Variants in SMURF1 observed in about 807,000 individuals in gnomAD.
SMURF1 encodes SMAD specific E3 ubiquitin protein ligase 1, also known as E3 ubiquitin-protein ligase SMURF1.
In SMURF1, 44 loss-of-function variants were observed where a neutral mutation model predicts 98.0. The ratio of observed to expected loss-of-function variants is 0.45; its 90% CI spans 0.35 to 0.58. The LOEUF (loss-of-function observed/expected upper bound fraction) is 0.58. Among genes scored for constraint, SMURF1 ranks in the 20% least tolerant of loss-of-function variants. SMURF1 has a pLI of 0.00. For synonymous variants in SMURF1, 396 were observed against 374.9 expected, an observed-to-expected ratio of 1.06 and a Z score of -0.65; for missense variants, 687 against 938.4, an observed-to-expected ratio of 0.73 and a Z score of 3.50.
chr7:99,091,557 C>T lies in SMURF1; in HGVS notation c.56-29720G>A, dbSNP rs183882923. 7.0e-3 allele frequency among the ~76,000 whole-genome samples: 1,066 copies of T among 152,206 alleles called. 7 individuals are homozygous for T. The highest frequency in any genetic ancestry group is 0.014 in the South Asian group (66 of 4,822). On this transcript the variant is annotated intron_variant, in intron 1 of 17. Coordinates refer to ENST00000361368, the MANE Select transcript of SMURF1 (RefSeq NM_181349.3). ...TGTGGACAGCTAGAAAGATGGTGGACGGGAGTATCTGAAACCAAGGAGCCT... is the reference window on the plus strand; with the variant it reads ...TGTGGACAGCTAGAAAGATGGTGGATGGGAGTATCTGAAACCAAGGAGCCT...
rs71118659 is a variant in SMURF1, at chr7:99,113,837, T to TAAAAAA, written c.55+29883_55+29888dup. 1.5e-3 allele frequency among the ~76,000 whole-genome samples: 52 copies of TAAAAAA among 33,976 alleles called. 1 individual carries two copies. Among genetic ancestry groups the TAAAAAA allele is most frequent in the African/African-American group, 7.1e-3 (49 of 6,872 alleles). 22.3% of individuals were successfully genotyped at this position (33,976 alleles called of 152,430 possible). A position where few individuals can be genotyped will look rare whatever the true frequency, so the allele number is the denominator to read the frequency against. On this transcript the variant is annotated intron_variant, in intron 1 of 17. Transcript: ENST00000361368. ...CTGGGTGACAAAGTGAGACTCCGTC[T>TAAAAAA]AAAAAAAAAAAAAAAAAAAAAAAAA...
chr7:99,143,739 C>G lies in SMURF1; in HGVS notation c.42G>C (p.Lys14Asn). 1.3e-6 allele frequency: 2 copies of G among 1,562,806 alleles called. No homozygotes were observed. Among genetic ancestry groups the G allele is most frequent in the Non-Finnish European group, 1.7e-6 (2 of 1,156,652 alleles). ...PGTRRNGSSI[K>N]IRLTVLCAKN... The stretch of plus-strand genomic sequence containing the variant: ...CGCCGGCCGTACCTGTCAGACGGAT[C>G]TTGATGCTGGAGCCGTTCCTGCGTG... Residue 14 changes from lysine (K) to asparagine (N), a missense_variant, in exon 1 of 18, where the codon AAG (lysine) becomes AAC (asparagine). Lys to Asn is a moderately conservative substitution (Grantham distance 94, BLOSUM62 0). Transcript: ENST00000361368.
At chr7:99,034,347 G>GGACTAATGA (rs1795039781) in intron 16 of SMURF1, among the ~76,000 whole-genome samples, 1 of 152,216 alleles carries the variant, frequency 6.6e-6, no homozygotes, top group Non-Finnish European at 1.5e-5. Context: ...AATTATTGGA[G>GGACTAATGA]GACTAATGAG....
rs191093729 is a variant in SMURF1 at position 99,046,454 on chromosome 7, C to T, written c.1153-653G>A. Reference sequence around the variant, plus strand: ...TTCAAACTCCAGCAACCCAGCCGGGCGCGGTGGCTCCGCCTGTAATCCCAG... The same window carrying T: ...TTCAAACTCCAGCAACCCAGCCGGGTGCGGTGGCTCCGCCTGTAATCCCAG... On this transcript the variant is annotated intron_variant, in intron 10 of 17. Coordinates refer to ENST00000361368, the MANE Select transcript of SMURF1 (RefSeq NM_181349.3). Among the ~76,000 whole-genome samples the T allele has an allele frequency of 1.6e-3, 245 of 152,248 alleles. 1 individual carries two copies. The highest frequency in any genetic ancestry group is 5.7e-3 in the African/African-American group (235 of 41,558).
intron 1 of SMURF1, among the ~76,000 whole-genome samples, chr7:99,134,797 A>G (rs1797953263): frequency 6.6e-6 from 1 of 152,214 alleles, no homozygotes; most frequent in African/African-American, 2.4e-5. Flanking sequence ...AATTATGTAA[A>G]CCACTATTAT....
intron 1 of SMURF1, among the ~76,000 whole-genome samples, chr7:99,113,548 G>T (rs936462245): frequency 1.3e-5 from 2 of 152,048 alleles, no homozygotes; most frequent in African/African-American, 4.8e-5. Context: ...TGAAACAAAA[G>T]AACATTAGAC....
chr7:99,040,314 C>A (rs191108547), intron 13 of SMURF1, 64 bp downstream of exon 13: 172 of 1,392,514 alleles, frequency 1.2e-4, no homozygotes, highest in Non-Finnish European at 1.6e-4. Flanking sequence ...CGCGCACGCG[C>A]ATACATACGA....
intron 6 of SMURF1, among the ~76,000 whole-genome samples, chr7:99,053,592 C>G (rs1162738611): frequency 6.6e-6 from 1 of 152,194 alleles, no homozygotes; most frequent in Non-Finnish European, 1.5e-5. Context: ...GCTTTTCTTG[C>G]AGTCTATTTG....
Position 99,054,842 on chromosome 7 carries a change from T to A in SMURF1, c.427A>T (p.Ile143Leu). 6.2e-7 allele frequency: 1 copy of A among 1,614,180 alleles called. No homozygotes were observed. Among genetic ancestry groups the A allele is most frequent in the Non-Finnish European group, 8.5e-7 (1 of 1,180,026 alleles). ...TCCACCACCGAGCCGCCGGTTCCTA[T>A]TCTGTCTCGTGTCTGTAAACTGACT... ...IVVSLQTRDR[I>L]GTGGSVVDCR... Residue 143 changes from isoleucine (I) to leucine (L), a missense_variant, in exon 6 of 18, where the codon ATA (isoleucine) becomes TTA (leucine). By Grantham distance (5) the Ile-to-Leu change is conservative (BLOSUM62 2). This residue lies in a region of SMURF1 where 415 missense variants were observed against 508.4 expected (regional missense o/e 0.82). Coordinates refer to ENST00000361368, the MANE Select transcript of SMURF1 (RefSeq NM_181349.3).
intron 1 of SMURF1, among the ~76,000 whole-genome samples, chr7:99,074,707 A>G (rs1436773778): frequency 1.3e-5 from 2 of 151,738 alleles, no homozygotes; most frequent in South Asian, 2.1e-4. Context: ...CTACAACTCA[A>G]TTTAAAAAAA....
chr7:99,125,272 T>G (rs1370160447), intron 1 of SMURF1, among the ~76,000 whole-genome samples: 1 of 152,134 alleles, frequency 6.6e-6, no homozygotes, highest in Non-Finnish European at 1.5e-5. Context: ...TTTTAAAAGA[T>G]GGGAGGTTCT....
chr7:99,085,368 AAAAGAAAAG>A (rs1292591215), intron 1 of SMURF1, among the ~76,000 whole-genome samples: 7 of 150,152 alleles, frequency 4.7e-5, no homozygotes, highest in East Asian at 3.9e-4. Context: ...AAAAAAAAAA[AAAAGAAAAG>A]AAAAGAAAAG....
intron 6 of SMURF1, among the ~76,000 whole-genome samples, chr7:99,053,549 A>G (rs1795811084): frequency 6.6e-6 from 1 of 152,178 alleles, no homozygotes; most frequent in Non-Finnish European, 1.5e-5. Context: ...TTGAATATGA[A>G]TTGTTGACAG....
chr7:99,038,528 G>A lies in SMURF1; in HGVS notation c.1551-3C>T, dbSNP rs1795243819. On this transcript the variant is annotated splice_region_variant and splice_polypyrimidine_tract_variant and intron_variant, in intron 13 of 17. Coordinates refer to ENST00000361368, the MANE Select transcript of SMURF1 (RefSeq NM_181349.3). ...GTACAGGCGTGATGTCGTTCTCTCT[G>A]TTGAAATAAGACAGAAGGATGTAGG... 2 of 1,613,596 alleles carry A rather than the reference G, an allele frequency of 1.2e-6. No homozygotes were observed. The highest frequency in any genetic ancestry group is 1.7e-5 in the Admixed American group (1 of 59,898).
chr7:99,056,901 G>A (rs558812387), intron 5 of SMURF1, among the ~76,000 whole-genome samples: 15 of 149,028 alleles, frequency 1.0e-4, no homozygotes, highest in Non-Finnish European at 1.9e-4. Flanking sequence ...TACTCGGGAG[G>A]CTGAGGCAGG....
chr7:99,054,204 T>C (rs1316869673), intron 6 of SMURF1, among the ~76,000 whole-genome samples: 2 of 152,194 alleles, frequency 1.3e-5, no homozygotes, highest in Admixed American at 6.5e-5. Flanking sequence ...CCCAAAGTGC[T>C]GGGATTACAG....
At chr7:99,115,504 G>C (rs73399279) in intron 1 of SMURF1, among the ~76,000 whole-genome samples, 2,054 of 152,164 alleles carry the variant, frequency 0.013, 41 homozygotes, top group African/African-American at 0.047. Flanking sequence ...GAGGTGCGGG[G>C]ATCACTTGAG....
At chr7:99,109,291 A>AGGGCTTAGCCCCAGGGCTT (rs1797269767) in intron 1 of SMURF1, among the ~76,000 whole-genome samples, 1 of 152,194 alleles carries the variant, frequency 6.6e-6, no homozygotes, top group African/African-American at 2.4e-5. Context: ...AGACACCGGC[A>AGGGCTTAGCCCCAGGGCTT]AGCCGCAGGG....
intron 1 of SMURF1, chr7:99,120,886 A>G (rs1344694547): frequency 2.0e-5 from 3 of 151,788 alleles, no homozygotes; most frequent in Non-Finnish European, 4.4e-5. Flanking sequence ...ATTTAGCCCA[A>G]AAAGATTTGT....
Sources: gnomAD v4.1 joint callset for allele counts (sites outside exome capture counted in the v4.1 genomes callset) on GRCh38, gnomAD v4.1.1 for gene constraint, gnomAD v4.1.1 regional missense constraint, MANE v1.5 for transcripts, NCBI Gene and HGNC (gene_info 2026-07-23, HGNC 2026-07-21) for gene names.